Variants in HIBADH observed in about 807,000 individuals in gnomAD.
HIBADH encodes the protein 3-hydroxyisobutyrate dehydrogenase.
In HIBADH, 25 loss-of-function variants were observed where a neutral mutation model predicts 36.1. That is an observed-to-expected ratio of 0.69 (90% CI 0.50 to 0.97). The LOEUF (loss-of-function observed/expected upper bound fraction) is 0.97. Among genes scored for constraint, HIBADH ranks in the 50% least tolerant of loss-of-function variants. HIBADH has a pLI of 0.00. For synonymous variants in HIBADH, 160 were observed against 149.5 expected (o/e 1.07, Z -0.51); for missense variants, 421 against 418.0 (o/e 1.01, Z -0.06).
chr7:27,587,801 G>T (rs1784886581), intron 4 of HIBADH, among the ~76,000 whole-genome samples: 2 of 152,084 alleles, frequency 1.3e-5, no homozygotes, highest in South Asian at 4.1e-4. Context: ...AAATTCCAAG[G>T]TACAGCTGTA....
intron 4 of HIBADH, among the ~76,000 whole-genome samples, chr7:27,609,546 A>G (rs1301480880): frequency 6.6e-6 from 1 of 152,192 alleles, no homozygotes; most frequent in Non-Finnish European, 1.5e-5. Context: ...AATGGCTAAC[A>G]TAATTGACCC....
chr7:27,634,211 A>G (rs1785797219), intron 2 of HIBADH, among the ~76,000 whole-genome samples: 1 of 152,216 alleles, frequency 6.6e-6, no homozygotes, highest in African/African-American at 2.4e-5. Flanking sequence ...ACAACAAAAA[A>G]AGATATTCTC....
chr7:27,650,617 G>A lies in HIBADH; in HGVS notation c.92-984C>T, dbSNP rs114082754. 4.9e-3 allele frequency among the ~76,000 whole-genome samples: 731 copies of A among 150,044 alleles called. 6 individuals are homozygous for A. The highest frequency in any genetic ancestry group is 0.017 in the African/African-American group (700 of 40,820). On this transcript the variant is annotated intron_variant, in intron 1 of 7. Coordinates refer to ENST00000265395, the MANE Select transcript of HIBADH (RefSeq NM_152740.4). ...AAGCAATTCTCATGCCTTAGCCTCC[G>A]GTGTAGCTGGGATCACAGACACGCA... is the stretch of plus-strand genomic sequence containing the variant.
intron 4 of HIBADH, among the ~76,000 whole-genome samples, chr7:27,565,334 T>C (rs538660250): frequency 2.0e-5 from 3 of 152,316 alleles, no homozygotes; most frequent in South Asian, 2.1e-4. Flanking sequence ...CATCCCCATA[T>C]GGCCTTGTGT....
At chr7:27,575,838 T>C (rs1012495313) in intron 4 of HIBADH, among the ~76,000 whole-genome samples, 1 of 152,216 alleles carries the variant, frequency 6.6e-6, no homozygotes, top group Non-Finnish European at 1.5e-5. Context: ...TTTTCCTGAA[T>C]GGATTCTGGG....
At chr7:27,585,765 T>G (rs886873181) in intron 4 of HIBADH, among the ~76,000 whole-genome samples, 12 of 152,204 alleles carry the variant, frequency 7.9e-5, no homozygotes, top group African/African-American at 1.2e-4. Flanking sequence ...CTTGTAACAT[T>G]TAAGTTTTCT....
intron 4 of HIBADH, among the ~76,000 whole-genome samples, chr7:27,600,088 C>T (rs1224334380): frequency 6.6e-6 from 1 of 152,090 alleles, no homozygotes; most frequent in Non-Finnish European, 1.5e-5. Context: ...AATGGGTCTT[C>T]TTTCACATTT....
intron 4 of HIBADH, among the ~76,000 whole-genome samples, chr7:27,619,647 C>T (rs1349337250): frequency 1.3e-5 from 2 of 151,142 alleles, no homozygotes; most frequent in Admixed American, 6.6e-5. Flanking sequence ...AACTCTGGAA[C>T]TAAAGAACTT....
At chr7:27,580,969 T>G (rs1433945911) in intron 4 of HIBADH, among the ~76,000 whole-genome samples, 1 of 152,044 alleles carries the variant, frequency 6.6e-6, no homozygotes, top group East Asian at 1.9e-4. Context: ...GGGTAGGCGA[T>G]CATGTGGAAG....
chr7:27,570,813 C>T (rs1045062575), intron 4 of HIBADH, among the ~76,000 whole-genome samples: 31 of 65,526 alleles, frequency 4.7e-4, no homozygotes, highest in African/African-American at 2.8e-3. Flanking sequence ...TTTGGTACTG[C>T]GTAGTTTTAC....
chr7:27,568,230 G>A (rs1784577298), intron 4 of HIBADH, among the ~76,000 whole-genome samples: 1 of 152,082 alleles, frequency 6.6e-6, no homozygotes, highest in South Asian at 2.1e-4. Context: ...CAGATCAACT[G>A]GAGATAATTT....
intron 4 of HIBADH, among the ~76,000 whole-genome samples, chr7:27,627,771 G>C (rs938667188): frequency 6.6e-6 from 1 of 152,032 alleles, no homozygotes; most frequent in Non-Finnish European, 1.5e-5. Flanking sequence ...CCTGCACAAA[G>C]CTTTTAATCT....
intron 4 of HIBADH, among the ~76,000 whole-genome samples, chr7:27,559,769 C>A (rs1784439803): frequency 6.6e-6 from 1 of 152,186 alleles, no homozygotes. Flanking sequence ...CAGTTCTCCC[C>A]ATGGAAATGT....
chr7:27,555,060 A>T (rs974128318), intron 4 of HIBADH, among the ~76,000 whole-genome samples: 1 of 152,166 alleles, frequency 6.6e-6, no homozygotes, highest in African/African-American at 2.4e-5. Context: ...CTGCTTGTAT[A>T]GAGTTTGAAT....
chr7:27,638,308 C>CA (rs368715218), intron 2 of HIBADH, among the ~76,000 whole-genome samples: 1,765 of 55,398 alleles, frequency 0.032, 103 homozygotes, highest in African/African-American at 0.041. Context: ...TTGGCAAAGT[C>CA]AAAAAAAAAA....
chr7:27,563,457 T>C (rs1206404919), intron 4 of HIBADH, among the ~76,000 whole-genome samples: 1 of 152,224 alleles, frequency 6.6e-6, no homozygotes, highest in African/African-American at 2.4e-5. Flanking sequence ...TATGTTTAAC[T>C]TTATGAAAAG....
At chr7:27,589,541 CATA>C (rs1003903156) in intron 4 of HIBADH, among the ~76,000 whole-genome samples, 5 of 152,118 alleles carry the variant, frequency 3.3e-5, no homozygotes, top group African/African-American at 1.2e-4. Flanking sequence ...GTATGTGTTA[CATA>C]ATAATGCCTA....
chr7:27,579,665 C>G (rs552776047), intron 4 of HIBADH, among the ~76,000 whole-genome samples: 1 of 152,312 alleles, frequency 6.6e-6, no homozygotes, highest in Admixed American at 6.5e-5. Flanking sequence ...TATGTGCTTT[C>G]TGTCTCTAGT....
chr7:27,535,034 A>G (rs557664723), intron 6 of HIBADH, among the ~76,000 whole-genome samples: 99 of 147,948 alleles, frequency 6.7e-4, no homozygotes, highest in African/African-American at 2.3e-3. Context: ...GTAGGTGGTA[A>G]ACTTAATAGT....
Sources: gnomAD v4.1 joint callset for allele counts (sites outside exome capture counted in the v4.1 genomes callset) on GRCh38, gnomAD v4.1.1 for gene constraint, MANE v1.5 for transcripts, NCBI Gene and HGNC (gene_info 2026-07-23, HGNC 2026-07-21) for gene names.